The following DIAPH3 variants were observed in gnomAD, a reference collection of about 807,000 sequenced individuals.
DIAPH3 encodes protein diaphanous homolog 3.
A neutral mutation model predicts 144.3 loss-of-function variants in DIAPH3; 117 were observed. The ratio of observed to expected loss-of-function variants is 0.81; its 90% CI spans 0.70 to 0.95. The LOEUF is 0.95. Among genes scored for constraint, DIAPH3 ranks in the 40% least tolerant of loss-of-function variants. The pLI, the probability that DIAPH3 is intolerant of heterozygous loss-of-function variation, is 0.00. For synonymous variants in DIAPH3, 519 were observed against 488.9 expected (o/e 1.06, Z -0.81); for missense variants, 1,421 against 1,412.7 (o/e 1.01, Z -0.09).
At chr13:60,075,421 T>C (rs1417200402) in intron 4 of DIAPH3, among the ~76,000 whole-genome samples, 4 of 152,214 alleles carry the variant, frequency 2.6e-5, no homozygotes, top group Non-Finnish European at 5.9e-5. Context: ...AAGTTTTTAG[T>C]TGTATTAGCA....
At chr13:59,916,575 A>G (rs1464638083) in intron 18 of DIAPH3, among the ~76,000 whole-genome samples, 2 of 152,168 alleles carry the variant, frequency 1.3e-5, no homozygotes, top group Admixed American at 6.5e-5. Flanking sequence ...GGTACACTAT[A>G]AAAACATCAC....
rs778135686 is a variant in DIAPH3, at chr13:59,833,101, C to T, written c.3027+6G>A. 6.2e-6 allele frequency: 10 copies of T among 1,605,134 alleles called. 1 individual carries two copies. In the South Asian group the frequency reaches 1.1e-4, roughly 18 times the overall value. ...AACTTTTTAAAAAACAATTTTTTTA[C>T]CATACCATGAATGTGGTTCTGAAGT... On this transcript the variant is annotated splice_donor_region_variant and intron_variant, in intron 24 of 27. Transcript: ENST00000400324.
intron 9 of DIAPH3, among the ~76,000 whole-genome samples, chr13:59,999,606 T>A (rs760416149): frequency 2.7e-4 from 41 of 152,294 alleles, no homozygotes; most frequent in Middle Eastern, 3.4e-3. Context: ...CAGCCAAGGC[T>A]TGAGCACAGC....
chr13:59,678,194 G>A (rs986438157), intron 27 of DIAPH3, among the ~76,000 whole-genome samples: 2 of 152,070 alleles, frequency 1.3e-5, no homozygotes, highest in African/African-American at 4.8e-5. Context: ...TGACGGACTG[G>A]CCTTTTTTTA....
chr13:59,699,019 T>TA (rs1472475285), intron 27 of DIAPH3, among the ~76,000 whole-genome samples: 2 of 152,222 alleles, frequency 1.3e-5, no homozygotes, highest in Non-Finnish European at 2.9e-5. Flanking sequence ...GAACTTCTAA[T>TA]ATGGGTCAAG....
At chr13:59,732,657 A>G (rs1233360986) in intron 27 of DIAPH3, among the ~76,000 whole-genome samples, 1 of 151,878 alleles carries the variant, frequency 6.6e-6, no homozygotes, top group East Asian at 1.9e-4. Context: ...TGCCCAAGCC[A>G]ATCTCAAACT....
At chr13:59,675,524 A>G (rs1383231584) in intron 27 of DIAPH3, among the ~76,000 whole-genome samples, 1 of 151,810 alleles carries the variant, frequency 6.6e-6, no homozygotes, top group Non-Finnish European at 1.5e-5. Flanking sequence ...AGCTGGGACT[A>G]TAGGCGCCCG....
At chr13:59,843,893 T>C (rs2042477215) in intron 22 of DIAPH3, among the ~76,000 whole-genome samples, 1 of 152,114 alleles carries the variant, frequency 6.6e-6, no homozygotes, top group South Asian at 2.1e-4. Context: ...AAGTCGGATC[T>C]GAATAATGGG....
intron 25 of DIAPH3, among the ~76,000 whole-genome samples, chr13:59,795,345 T>C (rs549860646): frequency 6.6e-6 from 1 of 152,216 alleles, no homozygotes; most frequent in South Asian, 2.1e-4. Flanking sequence ...TGAAAAGAAA[T>C]CATTATTACT....
At chr13:59,928,801 T>C (rs2047876835) in intron 17 of DIAPH3, among the ~76,000 whole-genome samples, 1 of 152,152 alleles carries the variant, frequency 6.6e-6, no homozygotes, top group African/African-American at 2.4e-5. Context: ...CAGGCCCTAG[T>C]CACATCAGTC....
intron 20 of DIAPH3, among the ~76,000 whole-genome samples, chr13:59,901,092 GT>G (rs2046402072): frequency 6.6e-6 from 1 of 152,154 alleles, no homozygotes; most frequent in Non-Finnish European, 1.5e-5. Context: ...TTGTTAACCA[GT>G]CACTGGCTTT....
chr13:60,082,435 C>T (rs768230125), intron 4 of DIAPH3, among the ~76,000 whole-genome samples: 3 of 151,358 alleles, frequency 2.0e-5, no homozygotes, highest in Non-Finnish European at 4.4e-5. Flanking sequence ...GAGCATACTG[C>T]ATACTTGATA....
In DIAPH3 at chr13:59,812,385, G is replaced by A. The variant is rs555745768; in HGVS notation, c.3028-1462C>T. On this transcript the variant is annotated intron_variant, in intron 24 of 27. Coordinates refer to ENST00000400324, the MANE Select transcript of DIAPH3 (RefSeq NM_001042517.2). ...ACTAAATAGTATTGTTGTAAAGTAG[G>A]GGAGAAAAAAAAAGAGAGAGAGGAA... 2.8e-4 allele frequency among the ~76,000 whole-genome samples: 43 copies of A among 151,742 alleles called. 1 individual carries two copies. In the South Asian group the frequency reaches 9.0e-3, roughly 32 times the overall value.
intron 24 of DIAPH3, among the ~76,000 whole-genome samples, chr13:59,828,403 C>T (rs74084421): frequency 0.02 from 3,019 of 151,898 alleles, 115 homozygotes; most frequent in African/African-American, 0.07. Context: ...AGAAAGTATG[C>T]CCTGTGCTGA....
At chr13:59,928,621 C>G (rs773672707) in intron 17 of DIAPH3, among the ~76,000 whole-genome samples, 3 of 152,174 alleles carry the variant, frequency 2.0e-5, no homozygotes, top group African/African-American at 4.8e-5. Context: ...CACATAGTCT[C>G]TGTGTGATTT....
intron 4 of DIAPH3, among the ~76,000 whole-genome samples, chr13:60,066,376 C>A (rs553410225): frequency 6.6e-6 from 1 of 152,196 alleles, no homozygotes; most frequent in East Asian, 1.9e-4. Context: ...TGTATAGTCA[C>A]CATATCACAG....
chr13:59,993,715 A>AAAAAAAAAAAAC (rs1170255517), intron 9 of DIAPH3, among the ~76,000 whole-genome samples: 2 of 150,210 alleles, frequency 1.3e-5, no homozygotes, highest in South Asian at 2.1e-4. Context: ...AAAAAAAAAA[A>AAAAAAAAAAAAC]AAAAAAACTT....
In DIAPH3 at chr13:59,934,019, G is replaced by GT. The variant is rs1211167951; in HGVS notation, c.2075-9150dup. Among the ~76,000 whole-genome samples, 4 of 152,046 alleles carry GT rather than the reference G, an allele frequency of 2.6e-5. No individual in the cohort carries two copies. In the East Asian group the frequency reaches 7.7e-4, roughly 29 times the overall value. On this transcript the variant is annotated intron_variant, in intron 17 of 27. Coordinates refer to ENST00000400324, the MANE Select transcript of DIAPH3 (RefSeq NM_001042517.2). ...TGATTAAAAATATAGCTTTTTAGGA[G>GT]TAAGATTTCATATAAATGTTATCAT...
At chr13:59,794,722 TG>T (rs914788128) in intron 25 of DIAPH3, among the ~76,000 whole-genome samples, 6 of 152,252 alleles carry the variant, frequency 3.9e-5, no homozygotes, top group African/African-American at 1.4e-4. Flanking sequence ...TGGCCCAGAC[TG>T]GTCTCAAACT....
Sources: gnomAD v4.1 joint callset for allele counts (sites outside exome capture counted in the v4.1 genomes callset) on GRCh38, gnomAD v4.1.1 for gene constraint, MANE v1.5 for transcripts, NCBI Gene and HGNC (gene_info 2026-07-23, HGNC 2026-07-21) for gene names.